The following PYHIN1 variants were observed in gnomAD, a reference collection of about 807,000 sequenced individuals.
PYHIN1 encodes the protein pyrin and HIN domain-containing protein 1.
A neutral mutation model predicts 43.7 loss-of-function variants in PYHIN1; 32 were observed. The observed-to-expected ratio is 0.73, with a 90% CI of 0.55 to 0.98. The LOEUF (loss-of-function observed/expected upper bound fraction) is 0.98, where lower values mean the gene tolerates loss of function less well. PYHIN1 is among the 50% of genes least tolerant of loss of function. PYHIN1 has a pLI of 0.00. For synonymous variants in PYHIN1, 205 were observed against 203.1 expected, an observed-to-expected ratio of 1.01 and a Z score of -0.08; for missense variants, 588 against 589.5, an observed-to-expected ratio of 1.00 and a Z score of 0.03.
downstream of PYHIN1, among the ~76,000 whole-genome samples, chr1:158,978,274 C>CATATATATATAT (rs57749637): frequency 6.6e-6 from 1 of 150,812 alleles, no homozygotes; most frequent in African/African-American, 2.5e-5. Context: ...TGTGTCTATA[C>CATATATATATAT]ATATATATAT....
At chr1:158,951,549 T>C (rs138765378) in intron 7 of PYHIN1, among the ~76,000 whole-genome samples, 1,807 of 152,266 alleles carry the variant, frequency 0.012, 17 homozygotes, top group Middle Eastern at 0.017. Context: ...GATCGAGTGA[T>C]TGAATTACGT....
At chr1:158,941,548 T>C (rs1334483494) in intron 4 of PYHIN1, among the ~76,000 whole-genome samples, 1 of 152,228 alleles carries the variant, frequency 6.6e-6, no homozygotes, top group African/African-American at 2.4e-5. Flanking sequence ...ACACTGTTGA[T>C]GTATGTGGTT....
intron 1 of PYHIN1, among the ~76,000 whole-genome samples, chr1:158,935,888 G>T (rs1015361596): frequency 6.6e-6 from 1 of 152,026 alleles, no homozygotes. Context: ...TGAGACAATT[G>T]CTTGTTCACA....
chr1:158,941,176 G>T (rs1000727279), intron 4 of PYHIN1, among the ~76,000 whole-genome samples: 1 of 152,186 alleles, frequency 6.6e-6, no homozygotes, highest in Non-Finnish European at 1.5e-5. Flanking sequence ...GTTTGTGAAT[G>T]AAACAAACCT....
chr1:158,976,711 AC>A lies in PYHIN1; in HGVS notation c.*17del. 1 of 1,601,232 alleles carries A rather than the reference AC, an allele frequency of 6.2e-7. No homozygotes were observed. Among genetic ancestry groups the A allele is most frequent in the Non-Finnish European group, 8.5e-7 (1 of 1,173,444 alleles). On this transcript the variant is annotated 3_prime_UTR_variant, in exon 9 of 9. Coordinates refer to ENST00000368140, the MANE Select transcript of PYHIN1 (RefSeq NM_152501.5). ...TCTTTATGCTTCAAGGTCACCAAGG[AC>A]AAGGATATCAAATAACTACTGTTCA...
In PYHIN1 at chr1:158,957,722, A is replaced by C. The variant is rs1650035578; in HGVS notation, c.1359+12680A>C. Among the ~76,000 whole-genome samples the C allele has an allele frequency of 2.1e-5, 3 of 144,962 alleles. No individual in the cohort carries two copies. The South Asian group carries it at 7.1e-4, about 34-fold the overall frequency. ...AAGGACTTCATGTCTAAAACACCAA[A>C]AGCAATGGCAACAAAAGACAAAATT... On this transcript the variant is annotated intron_variant, in intron 7 of 8. Transcript: ENST00000368140.
At position 158,933,120 on chromosome 1, in the gene PYHIN1, C is replaced by T. The variant is rs959228932; in HGVS notation, c.-21+1344C>T. Among the ~76,000 whole-genome samples the T allele has an allele frequency of 6.6e-6, 1 of 151,556 alleles. No homozygotes were observed. Among genetic ancestry groups the T allele is most frequent in the Non-Finnish European group, 1.5e-5 (1 of 67,810 alleles). ...TATAAGACGGTATTTTCTTGTACTC[C>T]TCTCAAATTCATATATATAATATAT... is the stretch of plus-strand genomic sequence containing the variant. On this transcript the variant is annotated intron_variant, in intron 1 of 8. Transcript: ENST00000368140. This position sits in a 1 kb window ranked among gnomAD's most constrained non-coding sequence, Gnocchi z 6.3.
At chr1:158,945,938 A>G (rs1437855677) in intron 7 of PYHIN1, among the ~76,000 whole-genome samples, 1 of 152,200 alleles carries the variant, frequency 6.6e-6, no homozygotes, top group African/African-American at 2.4e-5. Flanking sequence ...TCAAACATAA[A>G]AAAAAAGTCT....
At chr1:158,948,725 T>A (rs1305771480) in intron 7 of PYHIN1, among the ~76,000 whole-genome samples, 1 of 152,190 alleles carries the variant, frequency 6.6e-6, no homozygotes, top group Non-Finnish European at 1.5e-5. Context: ...TAAGTGTGCC[T>A]ACGAATCTTT....
chr1:158,942,000 T>C lies in PYHIN1; in HGVS notation c.603T>C (p.Arg201=). ...AGAGCCTAAAACCATTGGCCAACCG[T>C]CACGCAACTGCCAGTAAAAATATTT... ...STESLKPLAN[R]HATASKNIFR... Residue 201 remains arginine, a synonymous_variant, in exon 5 of 9, where the codon CGT becomes CGC. Transcript: ENST00000368140. 1 of 1,608,600 alleles carries C rather than the reference T, an allele frequency of 6.2e-7. No individual in the cohort carries two copies. Among genetic ancestry groups the C allele is most frequent in the East Asian group, 2.2e-5 (1 of 44,848 alleles).
chr1:158,980,980 C>A (rs189424074), downstream of PYHIN1, among the ~76,000 whole-genome samples: 4 of 152,224 alleles, frequency 2.6e-5, no homozygotes, highest in Admixed American at 2.6e-4. Flanking sequence ...CGTGGCCCAG[C>A]TGTAAAATTC....
the PYHIN1 span, among the ~76,000 whole-genome samples, chr1:158,988,962 C>T: frequency 1.3e-5 from 2 of 152,160 alleles, no homozygotes; most frequent in African/African-American, 4.8e-5. Context: ...GACATGCTGT[C>T]AGCCTGTACC....
At chr1:158,972,461 A>C (rs1249554747) in intron 7 of PYHIN1, among the ~76,000 whole-genome samples, 8 of 152,092 alleles carry the variant, frequency 5.3e-5, no homozygotes, top group African/African-American at 1.7e-4. Flanking sequence ...TACAAGGGAT[A>C]CATTGATAAA....
chr1:158,986,782 T>C, the PYHIN1 span, among the ~76,000 whole-genome samples: 1 of 152,156 alleles, frequency 6.6e-6, no homozygotes, highest in Admixed American at 6.5e-5. Flanking sequence ...ACTGCAGCCA[T>C]TCCTGTGCCA....
At chr1:158,971,253 A>C (rs1472479357) in intron 7 of PYHIN1, among the ~76,000 whole-genome samples, 3 of 152,034 alleles carry the variant, frequency 2.0e-5, no homozygotes, top group East Asian at 3.9e-4. Flanking sequence ...GGAAATCTAC[A>C]AATAGAAATG....
chr1:158,958,253 T>G (rs1238494973), intron 7 of PYHIN1, among the ~76,000 whole-genome samples: 2 of 151,504 alleles, frequency 1.3e-5, no homozygotes, highest in Non-Finnish European at 2.9e-5. Context: ...ATCCCATTAC[T>G]GGGTATATAC....
chr1:158,965,114 T>C (rs1650559695), intron 7 of PYHIN1, among the ~76,000 whole-genome samples: 1 of 151,992 alleles, frequency 6.6e-6, no homozygotes, highest in Non-Finnish European at 1.5e-5. Context: ...AAACAGACTT[T>C]AAACCAACAA....
intron 7 of PYHIN1, among the ~76,000 whole-genome samples, chr1:158,957,153 C>A (rs1308513504): frequency 2.9e-5 from 4 of 137,632 alleles, no homozygotes. Context: ...TAGGAAGAAT[C>A]AATATCGTGA....
Position 158,965,154 on chromosome 1 carries a change from A to G in PYHIN1, c.1360-8493A>G, listed in dbSNP as rs190395356. On this transcript the variant is annotated intron_variant, in intron 7 of 8. Coordinates refer to ENST00000368140, the MANE Select transcript of PYHIN1 (RefSeq NM_152501.5). ...TTAAAAAGACAAAGAAGGGCATTTC[A>G]TAATGGTAAAGGCTTTCATTCAACA... 4.4e-3 allele frequency among the ~76,000 whole-genome samples: 665 copies of G among 152,326 alleles called. 5 individuals carry two copies. Among genetic ancestry groups the G allele is most frequent in the Non-Finnish European group, 6.8e-3 (465 of 68,026 alleles).
Sources: allele counts gnomAD v4.1 joint callset (sites outside exome capture counted in the v4.1 genomes callset), GRCh38; gene constraint gnomAD v4.1.1; non-coding constraint Gnocchi (gnomAD v3.1); transcripts MANE v1.5; gene names NCBI Gene and HGNC (gene_info 2026-07-23, HGNC 2026-07-21).